The following PHYH variants were observed in gnomAD, a reference collection of about 807,000 sequenced individuals.
The protein encoded by PHYH is phytanoyl-CoA dioxygenase, peroxisomal.
PHYH carries 32 observed loss-of-function variants against 38.5 expected under a neutral mutation model. That is an observed-to-expected ratio of 0.83 (90% CI 0.63 to 1.12). The LOEUF (loss-of-function observed/expected upper bound fraction) is 1.12, where lower values mean the gene tolerates loss of function less well. PHYH is among the 50% of genes most tolerant of loss of function. PHYH has a pLI of 0.00. For synonymous variants in PHYH, 166 were observed against 157.9 expected (o/e 1.05, Z -0.38); for missense variants, 426 against 434.8 (o/e 0.98, Z 0.18).
intron 1 of PHYH, among the ~76,000 whole-genome samples, chr10:13,298,720 CTA>C (rs1491318213): frequency 3.4e-4 from 26 of 75,522 alleles, no homozygotes; most frequent in East Asian, 1.5e-3. Flanking sequence ...ACTACCACCA[CTA>C]CTACTACTAC....
intron 7 of PHYH, 74 bp from the exon 8 acceptor site, chr10:13,281,184 T>C: frequency 1.4e-6 from 2 of 1,449,516 alleles, no homozygotes; most frequent in Non-Finnish European, 1.9e-6. Flanking sequence ...GGAGTCTTTC[T>C]TTTAGAAAGT....
At chr10:13,295,332 A>G in intron 3 of PHYH, 164 bp downstream of exon 3, 1 of 602,864 alleles carries the variant, frequency 1.7e-6, no homozygotes, top group South Asian at 1.9e-5. Flanking sequence ...TTTCTCTATA[A>G]AAAATAAAAA....
At position 13,280,972 on chromosome 10, in the gene PHYH, A is replaced by G. The variant is rs1835395371; in HGVS notation, c.963+4T>C. The G allele has an allele frequency of 1.2e-6, 2 of 1,613,828 alleles. No homozygotes were observed. The highest frequency in any genetic ancestry group is 1.7e-5 in the Admixed American group (1 of 60,018). On this transcript the variant is annotated splice_donor_region_variant and intron_variant, in intron 8 of 8. Transcript: ENST00000263038. ...TTTTACCTTGCTATTGTATACAAAC[A>G]TACCTTCAAGTTCACGCTATTTTCA...
chr10:13,290,193 G>A (rs967524296), intron 5 of PHYH, among the ~76,000 whole-genome samples: 1 of 149,852 alleles, frequency 6.7e-6, no homozygotes, highest in African/African-American at 2.5e-5. Context: ...TATTCAGGAG[G>A]ATGAGGCAGG....
chr10:13,289,966 GA>G (rs1164047941), intron 5 of PHYH, among the ~76,000 whole-genome samples: 1 of 137,512 alleles, frequency 7.3e-6, no homozygotes, highest in South Asian at 2.4e-4. Context: ...AAAAGAAAAA[GA>G]AAAAAAAACA....
At chr10:13,299,533 C>T in intron 1 of PHYH, 4 of 1,007,334 alleles carry the variant, frequency 4.0e-6, no homozygotes, top group Non-Finnish European at 3.6e-6. Flanking sequence ...GGGAGGGCAC[C>T]GTCCTCTCCC....
chr10:13,292,617 G>A (rs1588514560), intron 4 of PHYH, among the ~76,000 whole-genome samples: 1 of 152,236 alleles, frequency 6.6e-6, no homozygotes, highest in East Asian at 1.9e-4. Context: ...ACCCAGCAAC[G>A]GAGAGGGAAA....
chr10:13,278,346 C>A lies in PHYH; in HGVS notation c.972G>T (p.Trp324Cys), dbSNP rs2131627137. The part of the protein sequence containing the change: ...AENSVNLKDI[W>C]MFRARLVKGE... ...CTTTCACAAGTCGAGCTCGAAACAT[C>A]CAAATATCCTGGAAATAATATCAAA... Residue 324 changes from tryptophan to cysteine, a missense_variant, in exon 9 of 9, where the codon TGG becomes TGT. Coordinates refer to ENST00000263038, the MANE Select transcript of PHYH (RefSeq NM_006214.4). 6.2e-7 allele frequency: 1 copy of A among 1,610,654 alleles called. No homozygotes were observed. The highest frequency in any genetic ancestry group is 8.5e-7 in the Non-Finnish European group (1 of 1,176,964).
At chr10:13,294,337 T>C in intron 4 of PHYH, 91 bp downstream of exon 4, 1 of 1,170,182 alleles carries the variant, frequency 8.5e-7, no homozygotes, top group South Asian at 1.2e-5. Context: ...ATTACAGGAG[T>C]GAGCCACTGC....
At chr10:13,284,748 G>A (rs1025719660) in intron 6 of PHYH, among the ~76,000 whole-genome samples, 3 of 152,252 alleles carry the variant, frequency 2.0e-5, no homozygotes, top group South Asian at 4.2e-4. Context: ...TAGGTAATGC[G>A]GTTATGTCTT....
intron 8 of PHYH, among the ~76,000 whole-genome samples, chr10:13,279,020 C>T (rs563201049): frequency 4.5e-4 from 68 of 150,256 alleles, no homozygotes; most frequent in Admixed American, 1.9e-3. Context: ...TTTTTTGAGA[C>T]GGAATTTTGC....
chr10:13,278,069 C>T lies in PHYH; in HGVS notation c.*232G>A, dbSNP rs1293845921. 1.2e-5 allele frequency: 6 copies of T among 506,712 alleles called. No homozygotes were observed. Among genetic ancestry groups the T allele is most frequent in the Non-Finnish European group, 7.1e-6 (2 of 280,302 alleles). 31.4% of individuals were successfully genotyped at this position (506,712 alleles called of 1,614,324 possible). On this transcript the variant is annotated 3_prime_UTR_variant, in exon 9 of 9. Transcript: ENST00000263038. ...CCAACCACCTTTATTGGCTGCCACC[C>T]TAAATTAGTTTTCCTTAAAACAGTA...
At chr10:13,298,686 G>A (rs920249420) in intron 1 of PHYH, among the ~76,000 whole-genome samples, 8 of 147,702 alleles carry the variant, frequency 5.4e-5, no homozygotes, top group Non-Finnish European at 8.9e-5. Context: ...GGGCAACAGA[G>A]AGAGACTCCA....
chr10:13,295,475 T>C lies in PHYH; in HGVS notation c.245+21A>G, dbSNP rs1432138438. The C allele has an allele frequency of 2.6e-6, 3 of 1,150,280 alleles. No individual in the cohort carries two copies. In the Admixed American group the frequency reaches 5.0e-5, roughly 19 times the overall value. 71.3% of individuals were successfully genotyped at this position (1,150,280 alleles called of 1,614,324 possible). A position where few individuals can be genotyped will look rare whatever the true frequency, so the allele number is the denominator to read the frequency against. Reference sequence around the variant, plus strand: ...GCACACAATACATACTATTGTAAAATAACAAATAGTGTTACTGTACCGAAA... The same window carrying C: ...GCACACAATACATACTATTGTAAAACAACAAATAGTGTTACTGTACCGAAA... On this transcript the variant is annotated intron_variant, in intron 3 of 8. Transcript: ENST00000263038.
intron 1 of PHYH, among the ~76,000 whole-genome samples, chr10:13,298,758 A>G (rs201078043): frequency 5.1e-5 from 5 of 97,858 alleles, no homozygotes; most frequent in East Asian, 4.2e-4. Context: ...TACTACTACT[A>G]CTACTGCTAC....
chr10:13,295,988 T>A (rs1304260060), intron 2 of PHYH, among the ~76,000 whole-genome samples: 1 of 151,856 alleles, frequency 6.6e-6, no homozygotes, highest in Non-Finnish European at 1.5e-5. Context: ...ACCAACATGG[T>A]GAAACCCCAT....
At chr10:13,294,896 TTCAAAGTGGTTTCCA>T (rs1294392170) in intron 3 of PHYH, 1 of 416,484 alleles carries the variant, frequency 2.4e-6, no homozygotes, top group African/African-American at 2.0e-5. Flanking sequence ...CCCAGCTCTC[TTCAAAGTGGTTTCCA>T]TATATTTCAC....
At chr10:13,287,794 C>A (rs530271450) in intron 6 of PHYH, among the ~76,000 whole-genome samples, 1 of 152,152 alleles carries the variant, frequency 6.6e-6, no homozygotes, top group Non-Finnish European at 1.5e-5. Flanking sequence ...CATCTGGGGT[C>A]GAAGGGTTTA....
rs967712314 is a variant in PHYH, at chr10:13,285,421, T to A, written c.679-1582A>T. On this transcript the variant is annotated intron_variant, in intron 6 of 8. Coordinates refer to ENST00000263038, the MANE Select transcript of PHYH (RefSeq NM_006214.4). ...CTGGTCTCAAACTCCTGACCTCAAGTGATCCACCCGCCACGGCCTCCCAAA... is the reference window on the plus strand; with the variant it reads ...CTGGTCTCAAACTCCTGACCTCAAGAGATCCACCCGCCACGGCCTCCCAAA... 6.6e-5 allele frequency among the ~76,000 whole-genome samples: 10 copies of A among 152,120 alleles called. No individual in the cohort carries two copies. The East Asian group carries it at 1.7e-3, about 27-fold the overall frequency.
Sources: gnomAD v4.1 joint callset for allele counts (sites outside exome capture counted in the v4.1 genomes callset) on GRCh38, gnomAD v4.1.1 for gene constraint, MANE v1.5 for transcripts, NCBI Gene and HGNC (gene_info 2026-07-23, HGNC 2026-07-21) for gene names.